Variants in MED13L observed in about 807,000 individuals in gnomAD.
MED13L encodes the protein mediator of RNA polymerase II transcription subunit 13-like.
MED13L carries 7 observed loss-of-function variants against 220.9 expected under a neutral mutation model. The observed-to-expected ratio is 0.03, with a 90% CI of 0.02 to 0.06. MED13L has a LOEUF of 0.06. Ranked by LOEUF, MED13L falls within the 10% of genes least tolerant of loss-of-function variation. The pLI is 1.00. For synonymous variants in MED13L, 1,011 were observed against 1,015.2 expected, an observed-to-expected ratio of 1.00 and a Z score of 0.08; for missense variants, 1,965 against 2,760.5, an observed-to-expected ratio of 0.71 and a Z score of 6.46.
chr12:116,093,087 T>C lies in MED13L; in HGVS notation c.479+3582A>G, dbSNP rs191425076. Among the ~76,000 whole-genome samples, 502 of 152,318 alleles carry C rather than the reference T, an allele frequency of 3.3e-3. 1 individual carries two copies. The highest frequency in any genetic ancestry group is 0.012 in the African/African-American group (485 of 41,580). ...AATAAAATGTGGATTGAGATTAAAT[T>C]AGAAAACAAATGCCTTCCCAAGAGA... On this transcript the variant is annotated intron_variant, in intron 4 of 30. Coordinates refer to ENST00000281928, the MANE Select transcript of MED13L (RefSeq NM_015335.5).
intron 2 of MED13L, among the ~76,000 whole-genome samples, chr12:116,216,044 A>C (rs1337144069): frequency 6.6e-6 from 1 of 152,110 alleles, no homozygotes; most frequent in Non-Finnish European, 1.5e-5. Flanking sequence ...TCTTTATTAC[A>C]ACCTCTCAAC....
chr12:116,073,110 C>A (rs909692342), intron 4 of MED13L, among the ~76,000 whole-genome samples: 7 of 152,012 alleles, frequency 4.6e-5, no homozygotes, highest in Non-Finnish European at 8.8e-5. Flanking sequence ...AAAGGGGAAA[C>A]AGAAGGTAAA....
chr12:116,069,000 T>A (rs1461621459), intron 4 of MED13L, among the ~76,000 whole-genome samples: 1 of 152,170 alleles, frequency 6.6e-6, no homozygotes, highest in Non-Finnish European at 1.5e-5. Flanking sequence ...ATGAGAATGA[T>A]AAAGGCAGTG....
intron 3 of MED13L, among the ~76,000 whole-genome samples, chr12:116,106,698 T>A (rs915862453): frequency 2.0e-5 from 3 of 151,780 alleles, no homozygotes; most frequent in African/African-American, 7.3e-5. Context: ...ATACAAAAAT[T>A]AGCCAGGTGT....
chr12:116,139,224 T>C (rs1876843991), intron 2 of MED13L, among the ~76,000 whole-genome samples: 1 of 152,124 alleles, frequency 6.6e-6, no homozygotes, highest in Non-Finnish European at 1.5e-5. Context: ...CATTTCACGG[T>C]TTGAAAAAAG....
At position 116,027,158 on chromosome 12, in the gene MED13L, CACGCCTGTAATCCTAGCACTT is replaced by C. The variant is rs1880445442; in HGVS notation, c.480-4578_480-4558del. 2.0e-5 allele frequency among the ~76,000 whole-genome samples: 3 copies of C among 152,168 alleles called. No individual in the cohort carries two copies. In the South Asian group the frequency reaches 6.2e-4, roughly 31 times the overall value. Reference sequence around the variant, plus strand: ...CTAATAACAGCTGGGCAAGGTGGCTCACGCCTGTAATCCTAGCACTTTGGGAGGCAGAGTTGGGCAGATCGC... The same window carrying C: ...CTAATAACAGCTGGGCAAGGTGGCTCTGGGAGGCAGAGTTGGGCAGATCGC... On this transcript the variant is annotated intron_variant, in intron 4 of 30. Transcript: ENST00000281928.
rs923638397 is a variant in MED13L, at chr12:116,230,551, C to T, written c.310+6917G>A. On this transcript the variant is annotated intron_variant, in intron 2 of 30. Coordinates refer to ENST00000281928, the MANE Select transcript of MED13L (RefSeq NM_015335.5). Reference sequence around the variant, plus strand: ...TCCATACCTGAAAAATAAATAAATCCAAATACTGCAAATACAATTCCTTTC... The same window carrying T: ...TCCATACCTGAAAAATAAATAAATCTAAATACTGCAAATACAATTCCTTTC... 8.8e-6 allele frequency: 7 copies of T among 797,770 alleles called. No homozygotes were observed. In the Admixed American group the frequency reaches 3.7e-4, roughly 43 times the overall value. 49.4% of individuals were successfully genotyped at this position (797,770 alleles called of 1,614,324 possible).
In MED13L at chr12:116,007,536, G is replaced by T. The variant is rs1339380373; in HGVS notation, c.2113C>A (p.Pro705Thr). 1 of 1,612,814 alleles carries T rather than the reference G, an allele frequency of 6.2e-7. No individual in the cohort carries two copies. The highest frequency in any genetic ancestry group is 8.5e-7 in the Non-Finnish European group (1 of 1,179,694). Residue 705 changes from proline to threonine, a missense_variant, in exon 11 of 31, where the codon CCT becomes ACT. Physicochemically the swap from Pro to Thr is conservative, Grantham distance 38. This residue lies in a region of MED13L where 818 missense variants were observed against 1,041.2 expected (regional missense o/e 0.79). Coordinates refer to ENST00000281928, the MANE Select transcript of MED13L (RefSeq NM_015335.5). ...FLDPLPLSQQ[P>T]GDSLGEVNDP... ...TTCACTTCTCCCAAACTGTCTCCAG[G>T]TTGTTGTGATAGAGGCAATGGGTCA...
At chr12:116,029,973 G>C (rs1880635340) in intron 4 of MED13L, among the ~76,000 whole-genome samples, 2 of 151,852 alleles carry the variant, frequency 1.3e-5, no homozygotes, top group South Asian at 4.2e-4. Context: ...TTGTTTGTTT[G>C]TTTGTTTGTT....
intron 1 of MED13L, among the ~76,000 whole-genome samples, chr12:116,255,810 T>C (rs1871990932): frequency 6.6e-6 from 1 of 152,250 alleles, no homozygotes; most frequent in South Asian, 2.1e-4. Flanking sequence ...AATAAGTTAC[T>C]ACATACTGCA....
chr12:116,039,018 C>T (rs541743863), intron 4 of MED13L, among the ~76,000 whole-genome samples: 1 of 152,200 alleles, frequency 6.6e-6, no homozygotes, highest in Admixed American at 6.5e-5. Context: ...CTTCCCCCCA[C>T]ACTCCAATTC....
chr12:116,276,943 G>A (rs1314480914), intron 1 of MED13L, 117 bp downstream of exon 1: 2 of 1,160,770 alleles, frequency 1.7e-6, no homozygotes, highest in Admixed American at 2.0e-5. Flanking sequence ...GAACGGCGGG[G>A]AGACGCGAGG....
chr12:116,116,538 T>A (rs1337322230), intron 2 of MED13L, among the ~76,000 whole-genome samples: 1 of 151,982 alleles, frequency 6.6e-6, no homozygotes, highest in East Asian at 2.0e-4. Flanking sequence ...TAAGTAAAGT[T>A]TTCCCCTGAG....
At chr12:115,978,891 A>C (rs1877138822) in intron 23 of MED13L, among the ~76,000 whole-genome samples, 1 of 152,226 alleles carries the variant, frequency 6.6e-6, no homozygotes, top group African/African-American at 2.4e-5. Context: ...TTGCATAATA[A>C]AAACTATAAA....
intron 4 of MED13L, among the ~76,000 whole-genome samples, chr12:116,080,938 G>A (rs1267802253): frequency 1.3e-5 from 2 of 152,144 alleles, no homozygotes; most frequent in African/African-American, 2.4e-5. Context: ...ATAGGAATAC[G>A]AAGGTATTCC....
rs200776562 is a variant in MED13L, at chr12:115,986,467, C to T, written c.4137G>A (p.Pro1379=). ...GTYGSEESPE[P]LPIPTLLVGY... ...CTACCAGCAGAGTGGGGATGGGCAACGGCTCAGGAGATTCTTCCGAACCTA... is the reference window on the plus strand; with the variant it reads ...CTACCAGCAGAGTGGGGATGGGCAATGGCTCAGGAGATTCTTCCGAACCTA... Residue 1379 remains proline (P), a synonymous_variant, in exon 19 of 31, where the codon CCG becomes CCA. Transcript: ENST00000281928. The T allele has an allele frequency of 1.7e-5, 28 of 1,613,998 alleles. No homozygotes were observed. In the East Asian group the frequency reaches 3.6e-4, roughly 21 times the overall value.
chr12:116,072,258 T>TTAC (rs1870435160), intron 4 of MED13L, among the ~76,000 whole-genome samples: 1 of 152,162 alleles, frequency 6.6e-6, no homozygotes, highest in South Asian at 2.1e-4. Flanking sequence ...TCATAAGCAT[T>TTAC]TACTGTGGGA....
At chr12:116,237,906 A>G (rs1870245207) in intron 1 of MED13L, among the ~76,000 whole-genome samples, 1 of 152,224 alleles carries the variant, frequency 6.6e-6, no homozygotes, top group Admixed American at 6.5e-5. Context: ...ATTTCTACAT[A>G]GCTCTTTACA....
intron 16 of MED13L, among the ~76,000 whole-genome samples, chr12:115,992,450 T>C (rs1268784209): frequency 6.6e-6 from 1 of 152,206 alleles, no homozygotes; most frequent in Non-Finnish European, 1.5e-5. Context: ...TCTGAGGCTA[T>C]AATCTATATA....
Sources: gnomAD v4.1 joint callset for allele counts (sites outside exome capture counted in the v4.1 genomes callset) on GRCh38, gnomAD v4.1.1 for gene constraint, gnomAD v4.1.1 regional missense constraint, MANE v1.5 for transcripts, NCBI Gene and HGNC (gene_info 2026-07-23, HGNC 2026-07-21) for gene names.